Variants in ARK2C observed in about 807,000 individuals in gnomAD.
The protein encoded by ARK2C is E3 ubiquitin-protein ligase ARK2C.
chr18:46,347,144 A>T, the ARK2C span, among the ~76,000 whole-genome samples: 1 of 152,178 alleles, frequency 6.6e-6, no homozygotes, highest in African/African-American at 2.4e-5. Context: ...GAGGAGGAAG[A>T]GCTGTAGCTC....
At chr18:46,410,791 C>A in the ARK2C span, among the ~76,000 whole-genome samples, 1 of 152,248 alleles carries the variant, frequency 6.6e-6, no homozygotes, top group Non-Finnish European at 1.5e-5. Context: ...GCATGGTAAA[C>A]TCACTTTAAG....
the ARK2C span, chr18:46,458,466 A>G: frequency 1.3e-5 from 2 of 152,570 alleles, no homozygotes; most frequent in South Asian, 4.2e-4. Flanking sequence ...CCCTCGTATC[A>G]ATAAGACCGG....
At chr18:46,358,273 C>T in the ARK2C span, among the ~76,000 whole-genome samples, 1 of 152,100 alleles carries the variant, frequency 6.6e-6, no homozygotes. Context: ...GGGCAGTGGG[C>T]TCCAGGAAGG....
At chr18:46,411,781 C>A in the ARK2C span, among the ~76,000 whole-genome samples, 1 of 152,228 alleles carries the variant, frequency 6.6e-6, no homozygotes, top group African/African-American at 2.4e-5. Flanking sequence ...GGGACTCCAG[C>A]AAGCCAGATT....
the ARK2C span, among the ~76,000 whole-genome samples, chr18:46,371,530 C>T: frequency 6.6e-6 from 1 of 152,142 alleles, no homozygotes; most frequent in Non-Finnish European, 1.5e-5. Context: ...GCATTTCTGA[C>T]CAAAAGAGGA....
chr18:46,348,811 G>A, the ARK2C span, among the ~76,000 whole-genome samples: 12 of 152,130 alleles, frequency 7.9e-5, no homozygotes, highest in Non-Finnish European at 1.2e-4. Context: ...TAAAGTCCCT[G>A]GTAAGTCCTG....
chr18:46,386,630 A>G, the ARK2C span: 1 of 152,132 alleles, frequency 6.6e-6, no homozygotes, highest in Non-Finnish European at 1.5e-5. Flanking sequence ...TTAAGTGCTC[A>G]TTTCATTCCA....
chr18:46,370,747 T>C, the ARK2C span, among the ~76,000 whole-genome samples: 2 of 152,138 alleles, frequency 1.3e-5, no homozygotes, highest in African/African-American at 2.4e-5. Context: ...CAAGACCCAA[T>C]GGACAGTTGG....
At chr18:46,443,549 A>G in the ARK2C span, among the ~76,000 whole-genome samples, 1 of 152,230 alleles carries the variant, frequency 6.6e-6, no homozygotes, top group African/African-American at 2.4e-5. Flanking sequence ...TGGTTGGCAA[A>G]TTATGGCCTG....
the ARK2C span, among the ~76,000 whole-genome samples, chr18:46,455,457 T>C: frequency 1.3e-5 from 2 of 152,202 alleles, no homozygotes; most frequent in East Asian, 1.9e-4. Flanking sequence ...AGAAAGTGCC[T>C]GGGACAGCAA....
the ARK2C span, chr18:46,337,719 C>T: frequency 4.8e-6 from 3 of 623,546 alleles, no homozygotes; most frequent in Non-Finnish European, 4.0e-6. Flanking sequence ...ATTTTCCCCC[C>T]TTGCTTTTCT....
At chr18:46,400,105 T>C in the ARK2C span, among the ~76,000 whole-genome samples, 2 of 152,178 alleles carry the variant, frequency 1.3e-5, no homozygotes, top group Non-Finnish European at 2.9e-5. Flanking sequence ...TCGCTTGGCT[T>C]CATTTCTCCT....
At chr18:46,354,040 C>T in the ARK2C span, among the ~76,000 whole-genome samples, 1 of 152,208 alleles carries the variant, frequency 6.6e-6, no homozygotes, top group Non-Finnish European at 1.5e-5. Flanking sequence ...ATCTCAGTCT[C>T]CACTCTCACT....
At chr18:46,413,896 T>C in the ARK2C span, among the ~76,000 whole-genome samples, 1 of 152,174 alleles carries the variant, frequency 6.6e-6, no homozygotes, top group Non-Finnish European at 1.5e-5. Context: ...CATGGATCCT[T>C]CCAGGAATCA....
the ARK2C span, among the ~76,000 whole-genome samples, chr18:46,392,566 G>A: frequency 0.054 from 5 of 92 alleles, no homozygotes; most frequent in Non-Finnish European, 0.12. Flanking sequence ...CAGTGGACAC[G>A]GCTCAGAGGA....
the ARK2C span, among the ~76,000 whole-genome samples, chr18:46,341,793 T>G: frequency 6.6e-6 from 1 of 152,162 alleles, no homozygotes; most frequent in African/African-American, 2.4e-5. Context: ...TATGAACTCC[T>G]CCCGGAGTTG....
the ARK2C span, among the ~76,000 whole-genome samples, chr18:46,366,076 T>A: frequency 1.3e-5 from 2 of 151,984 alleles, no homozygotes; most frequent in South Asian, 4.2e-4. Context: ...GCGGATCACC[T>A]GAGGTCAGGA....
At chr18:46,438,148 T>G in the ARK2C span, among the ~76,000 whole-genome samples, 8 of 152,196 alleles carry the variant, frequency 5.3e-5, no homozygotes, top group African/African-American at 1.9e-4. Flanking sequence ...GCACAAGAAA[T>G]CTCCAAAACA....
the ARK2C span, among the ~76,000 whole-genome samples, chr18:46,449,273 A>G: frequency 1.3e-5 from 2 of 152,252 alleles, no homozygotes; most frequent in Non-Finnish European, 2.9e-5. Context: ...CGAGTGAGGC[A>G]GGCCATGCCA....
Sources: gnomAD v4.1 joint callset for allele counts (sites outside exome capture counted in the v4.1 genomes callset) on GRCh38, gnomAD v4.1.1 for gene constraint, MANE v1.5 for transcripts, NCBI Gene and HGNC (gene_info 2026-07-23, HGNC 2026-07-21) for gene names.